The following ELSPBP1 variants were observed in gnomAD, a reference collection of about 807,000 sequenced individuals.
The protein encoded by ELSPBP1 is epididymal sperm binding protein 1, also known as epididymal sperm-binding protein 1.
In ELSPBP1, 38 loss-of-function variants were observed where a neutral mutation model predicts 33.3. The observed-to-expected ratio is 1.14, with a 90% CI of 0.88 to 1.50. The LOEUF is 1.50. ELSPBP1 is among the 40% of genes most tolerant of loss of function. ELSPBP1 has a pLI of 0.00. For missense variants in ELSPBP1, 267 were observed against 263.5 expected, an observed-to-expected ratio of 1.01 and a Z score of -0.09; for synonymous variants, 85 against 94.1, an observed-to-expected ratio of 0.90 and a Z score of 0.56.
chr19:48,016,576 A>G (rs1007667339), intron 4 of ELSPBP1, among the ~76,000 whole-genome samples: 2 of 94,136 alleles, frequency 2.1e-5, no homozygotes, highest in African/African-American at 4.3e-5. Context: ...TCCTCCCTTC[A>G]TCTCTCTCTT....
At chr19:48,021,056 A>C (rs1015497450) in intron 5 of ELSPBP1, among the ~76,000 whole-genome samples, 1 of 152,158 alleles carries the variant, frequency 6.6e-6, no homozygotes, top group Non-Finnish European at 1.5e-5. Flanking sequence ...AGAGGCTTCC[A>C]GTTTGTACTA....
chr19:48,005,087 T>C (rs1305474036), intron 1 of ELSPBP1, among the ~76,000 whole-genome samples: 1 of 151,892 alleles, frequency 6.6e-6, no homozygotes, highest in Non-Finnish European at 1.5e-5. Flanking sequence ...GTGCCTGTAG[T>C]CCCAGCCACT....
intron 6 of ELSPBP1, among the ~76,000 whole-genome samples, chr19:48,023,494 G>GTAA (rs1316387887): frequency 6.3e-5 from 3 of 47,566 alleles, no homozygotes; most frequent in Non-Finnish European, 1.8e-4. Context: ...AAGGGAGGGA[G>GTAA]GGAAGGAAAA....
intron 6 of ELSPBP1, among the ~76,000 whole-genome samples, chr19:48,024,265 G>T (rs1259396640): frequency 6.6e-6 from 1 of 151,998 alleles, no homozygotes; most frequent in Non-Finnish European, 1.5e-5. Flanking sequence ...GGTGCAGAGG[G>T]TATTTCTAAA....
At chr19:48,003,938 TC>T (rs1966992528) in intron 1 of ELSPBP1, among the ~76,000 whole-genome samples, 2 of 144,358 alleles carry the variant, frequency 1.4e-5, no homozygotes, top group Non-Finnish European at 3.0e-5. Flanking sequence ...TCTATTCTAT[TC>T]TATTCTATTC....
chr19:48,011,106 CAAT>C lies in ELSPBP1; in HGVS notation c.70+2370_70+2372del, dbSNP rs1003289187. 1.5e-4 allele frequency among the ~76,000 whole-genome samples: 23 copies of C among 151,380 alleles called. No homozygotes were observed. Among genetic ancestry groups the C allele is most frequent in the African/African-American group, 4.9e-4 (20 of 41,140 alleles). On this transcript the variant is annotated intron_variant, in intron 2 of 6. Transcript: ENST00000339841. This position sits in a 1 kb window ranked among gnomAD's most constrained non-coding sequence, Gnocchi z 4.5. ...ATGACAACAATAATAGCGACAATGA[CAAT>C]GATGATGGTGACAGTGATGATGATG...
chr19:48,023,477 A>AG (rs1173109593), intron 6 of ELSPBP1, among the ~76,000 whole-genome samples: 15 of 52,592 alleles, frequency 2.9e-4, no homozygotes, highest in East Asian at 1.2e-3. Context: ...GGAGGAAGGG[A>AG]GGAGGGAAGG....
chr19:48,022,356 G>T (rs545813110), intron 6 of ELSPBP1, 22 bp downstream of exon 6: 1 of 1,579,704 alleles, frequency 6.3e-7, no homozygotes, highest in East Asian at 2.3e-5. Flanking sequence ...GACCAACAGT[G>T]GTCATTTCAC....
intron 1 of ELSPBP1, among the ~76,000 whole-genome samples, chr19:48,000,253 G>T (rs1454718101): frequency 1.4e-5 from 1 of 70,962 alleles, no homozygotes; most frequent in Non-Finnish European, 2.6e-5. Context: ...ATCCCCCATA[G>T]ATGGAGTCTC....
intron 3 of ELSPBP1, among the ~76,000 whole-genome samples, chr19:48,014,962 G>A (rs1967116153): frequency 6.6e-6 from 1 of 152,152 alleles, no homozygotes; most frequent in Non-Finnish European, 1.5e-5. Flanking sequence ...CGAAGTGTAA[G>A]AAACGGGATT....
chr19:48,017,029 T>C (rs1967150060), intron 4 of ELSPBP1, among the ~76,000 whole-genome samples: 3 of 152,226 alleles, frequency 2.0e-5, no homozygotes, highest in Non-Finnish European at 1.5e-5. Flanking sequence ...CAATATCCTG[T>C]TGAATCTTTC....
At chr19:48,022,603 C>A (rs775800429) in intron 6 of ELSPBP1, among the ~76,000 whole-genome samples, 1 of 152,098 alleles carries the variant, frequency 6.6e-6, no homozygotes, top group Non-Finnish European at 1.5e-5. Context: ...ATTGGGATTT[C>A]CCCCAGAAGC....
intron 6 of ELSPBP1, among the ~76,000 whole-genome samples, chr19:48,022,905 G>C (rs1350123362): frequency 7.1e-6 from 1 of 140,308 alleles, no homozygotes; most frequent in Non-Finnish European, 1.6e-5. Context: ...AAAAAAATTA[G>C]TTGGGTGTGA....
At chr19:47,998,297 A>G (rs1003991691) in intron 1 of ELSPBP1, among the ~76,000 whole-genome samples, 1 of 152,058 alleles carries the variant, frequency 6.6e-6, no homozygotes, top group Admixed American at 6.6e-5. Context: ...CTGTAATACC[A>G]GCTACTCGGG....
intron 4 of ELSPBP1, among the ~76,000 whole-genome samples, chr19:48,016,467 TCTTTCTTTCTTTCTTTC>T (rs1967136670): frequency 7.9e-5 from 3 of 38,122 alleles, no homozygotes; most frequent in South Asian, 1.1e-3. Context: ...TTTCTTTCCT[TCTTTCTTTCTTTCTTTC>T]TTTCTTTCTT....
intron 1 of ELSPBP1, among the ~76,000 whole-genome samples, chr19:48,005,281 C>A (rs867653893): frequency 6.6e-6 from 1 of 151,940 alleles, no homozygotes; most frequent in African/African-American, 2.4e-5. Context: ...AGGCTGGAGG[C>A]TGCATATCAG....
chr19:48,004,747 G>A (rs916401163), intron 1 of ELSPBP1, among the ~76,000 whole-genome samples: 3 of 152,272 alleles, frequency 2.0e-5, no homozygotes, highest in South Asian at 4.1e-4. Context: ...TGGTTTCTTC[G>A]CTTCATATCT....
At chr19:48,004,670 A>T (rs1333071065) in intron 1 of ELSPBP1, among the ~76,000 whole-genome samples, 1 of 151,982 alleles carries the variant, frequency 6.6e-6, no homozygotes, top group African/African-American at 2.4e-5. Context: ...ATCAAAAGTG[A>T]CCTTGTCCTA....
At position 48,008,635 on chromosome 19, in the gene ELSPBP1, G is replaced by A; in HGVS notation, c.-17-16G>A. The A allele has an allele frequency of 6.2e-7, 1 of 1,605,218 alleles. No homozygotes were observed. The highest frequency in any genetic ancestry group is 8.5e-7 in the Non-Finnish European group (1 of 1,173,322). ...GGGGACGTGTGGGATGAAAATTTTT[G>A]TCTTCTTTTCCACAGAGAAGAGGGC... On this transcript the variant is annotated splice_polypyrimidine_tract_variant and intron_variant, in intron 1 of 6. Transcript: ENST00000339841.
Sources: gnomAD v4.1 joint callset for allele counts (sites outside exome capture counted in the v4.1 genomes callset) on GRCh38, gnomAD v4.1.1 for gene constraint, Gnocchi (gnomAD v3.1) non-coding constraint, MANE v1.5 for transcripts, NCBI Gene and HGNC (gene_info 2026-07-23, HGNC 2026-07-21) for gene names.